EHBP1: variants seen among roughly 807,000 people sequenced by gnomAD.
The protein encoded by EHBP1 is EH domain binding protein 1, also known as EH domain-binding protein 1.
In EHBP1, 55 loss-of-function variants were observed where a neutral mutation model predicts 144.0. The observed-to-expected ratio is 0.38, with a 90% CI of 0.31 to 0.48. The LOEUF is 0.48. Ranked by LOEUF, EHBP1 falls within the 20% of genes least tolerant of loss-of-function variation. The probability of loss-of-function intolerance (pLI) is 0.98; values close to 1 mark genes in which losing one functional copy is unlikely to be tolerated. For missense variants in EHBP1, 1,200 were observed against 1,364.2 expected (o/e 0.88, Z 1.90); for synonymous variants, 469 against 472.7 (o/e 0.99, Z 0.10).
intron 10 of EHBP1, among the ~76,000 whole-genome samples, chr2:62,903,009 T>G (rs891082511): frequency 1.3e-5 from 2 of 152,212 alleles, no homozygotes; most frequent in Admixed American, 6.5e-5. Flanking sequence ...CTTGCTATTA[T>G]TAGCTCACTT....
chr2:62,990,932 A>C (rs1237716917), intron 16 of EHBP1, 92 bp downstream of exon 16: 2 of 1,448,282 alleles, frequency 1.4e-6, no homozygotes, highest in Admixed American at 2.3e-5. Context: ...TTTTTTACCT[A>C]ATTTTTCACC....
intron 6 of EHBP1, among the ~76,000 whole-genome samples, chr2:62,830,087 A>G (rs532674165): frequency 6.6e-6 from 1 of 151,060 alleles, no homozygotes; most frequent in Non-Finnish European, 1.5e-5. Flanking sequence ...ATACGGAACC[A>G]GCCTAAAAGC....
At chr2:62,846,712 T>G (rs2048324013) in intron 7 of EHBP1, among the ~76,000 whole-genome samples, 1 of 152,096 alleles carries the variant, frequency 6.6e-6, no homozygotes, top group Non-Finnish European at 1.5e-5. Context: ...GAAAATGAAA[T>G]TTAAAAAATT....
In EHBP1 at chr2:62,993,856, T is replaced by C; in HGVS notation, c.2873-15T>C. The C allele has an allele frequency of 1.3e-6, 2 of 1,515,032 alleles. No homozygotes were observed. 93.8% of individuals were successfully genotyped at this position (1,515,032 alleles called of 1,614,324 possible). On this transcript the variant is annotated splice_polypyrimidine_tract_variant and intron_variant, in intron 17 of 22. Transcript: ENST00000431489. Reference sequence around the variant, plus strand: ...TTACAATAATTTTACATGTCTTTCCTCTTTTTTTTTTAAGAGATGAAAAGG... The same window carrying C: ...TTACAATAATTTTACATGTCTTTCCCCTTTTTTTTTTAAGAGATGAAAAGG...
intron 10 of EHBP1, among the ~76,000 whole-genome samples, chr2:62,903,983 A>G (rs112169128): frequency 1.2e-4 from 19 of 152,322 alleles, no homozygotes; most frequent in Non-Finnish European, 2.6e-4. Flanking sequence ...ACCAAATCTA[A>G]GAAATAATTA....
intron 19 of EHBP1, among the ~76,000 whole-genome samples, chr2:63,035,463 T>C (rs1028634444): frequency 6.6e-6 from 1 of 152,080 alleles, no homozygotes; most frequent in Non-Finnish European, 1.5e-5. Context: ...TAAGTTTAAC[T>C]GAAAATAACA....
At chr2:62,770,266 C>T (rs1007182215) in intron 4 of EHBP1, among the ~76,000 whole-genome samples, 1 of 152,060 alleles carries the variant, frequency 6.6e-6, no homozygotes, top group African/African-American at 2.4e-5. Flanking sequence ...GCAAACTGTG[C>T]ATCTGACAAA....
intron 20 of EHBP1, among the ~76,000 whole-genome samples, 166 bp downstream of exon 20, chr2:63,037,800 TAA>T (rs1559101551): frequency 6.6e-6 from 1 of 152,092 alleles, no homozygotes; most frequent in African/African-American, 2.4e-5. Context: ...TTTCATCTTA[TAA>T]GAATTTTTAA....
chr2:62,849,288 G>A (rs1302149154), intron 7 of EHBP1, among the ~76,000 whole-genome samples: 2 of 152,050 alleles, frequency 1.3e-5, no homozygotes, highest in Non-Finnish European at 2.9e-5. Flanking sequence ...AACTAGCCAT[G>A]TGGACAGGCC....
intron 2 of EHBP1, among the ~76,000 whole-genome samples, chr2:62,736,170 C>T (rs1373973903): frequency 2.0e-5 from 3 of 149,464 alleles, no homozygotes; most frequent in Non-Finnish European, 3.0e-5. Context: ...GTAGTTGTTC[C>T]GCAGTCTTTG....
At chr2:62,763,560 A>G (rs2040933121) in intron 3 of EHBP1, among the ~76,000 whole-genome samples, 1 of 152,152 alleles carries the variant, frequency 6.6e-6, no homozygotes, top group Non-Finnish European at 1.5e-5. Flanking sequence ...CCTGTAGCCA[A>G]TAGAGGTGAA....
intron 16 of EHBP1, among the ~76,000 whole-genome samples, chr2:62,992,435 A>C (rs1282201141): frequency 1.3e-5 from 2 of 152,134 alleles, no homozygotes; most frequent in Non-Finnish European, 2.9e-5. Flanking sequence ...TTTCCAAAAC[A>C]CTCTTATATA....
intron 14 of EHBP1, among the ~76,000 whole-genome samples, chr2:62,977,170 A>C (rs1414596462): frequency 6.6e-6 from 1 of 150,490 alleles, no homozygotes; most frequent in Non-Finnish European, 1.5e-5. Context: ...ATTCCCCTAG[A>C]CTTAAAAAAA....
intron 10 of EHBP1, among the ~76,000 whole-genome samples, chr2:62,938,772 A>G (rs2056553799): frequency 1.3e-5 from 2 of 152,022 alleles, no homozygotes; most frequent in African/African-American, 4.8e-5. Context: ...TCTAGGTGTC[A>G]AGATTATCTC....
chr2:62,899,232 A>T (rs563028913), intron 10 of EHBP1, among the ~76,000 whole-genome samples: 2 of 152,282 alleles, frequency 1.3e-5, no homozygotes, highest in African/African-American at 4.8e-5. Flanking sequence ...TAAATTCAGG[A>T]CAACATTGAG....
chr2:63,030,254 T>G (rs2061176179), intron 19 of EHBP1, among the ~76,000 whole-genome samples: 3 of 152,186 alleles, frequency 2.0e-5, no homozygotes, highest in Admixed American at 2.0e-4. Flanking sequence ...CTAAAGTTCA[T>G]TTATGAGTCA....
rs1334733001 is a variant in EHBP1 at position 62,846,967 on chromosome 2, TAAAG to T, written c.635-12198_635-12195del. On this transcript the variant is annotated intron_variant, in intron 7 of 22. Coordinates refer to ENST00000431489, the MANE Select transcript of EHBP1 (RefSeq NM_001142616.3). ...AATCCTAGCAGGTGTTTTTTAAAAA[TAAAG>T]AAATTCAAAAGTGATTCTAAAGTAT... 7.2e-5 allele frequency among the ~76,000 whole-genome samples: 11 copies of T among 152,240 alleles called. No homozygotes were observed. The East Asian group carries it at 1.3e-3, about 19-fold the overall frequency.
At chr2:62,954,909 C>G (rs539529967) in intron 13 of EHBP1, among the ~76,000 whole-genome samples, 1 of 152,130 alleles carries the variant, frequency 6.6e-6, no homozygotes, top group South Asian at 2.1e-4. Flanking sequence ...CTGTTGTTCT[C>G]CAAAATTACA....
chr2:62,767,856 C>T (rs1260288536), intron 4 of EHBP1, among the ~76,000 whole-genome samples: 1 of 140,860 alleles, frequency 7.1e-6, no homozygotes. Context: ...AAAAAAAAGT[C>T]AAGACTAAGA....
Sources: gnomAD v4.1 joint callset for allele counts (sites outside exome capture counted in the v4.1 genomes callset) on GRCh38, gnomAD v4.1.1 for gene constraint, MANE v1.5 for transcripts, NCBI Gene and HGNC (gene_info 2026-07-23, HGNC 2026-07-21) for gene names.